CASP10: variants seen among roughly 807,000 people sequenced by gnomAD.
CASP10 encodes the protein caspase 10.
Under a neutral mutation model 48.5 loss-of-function variants are expected in CASP10, and 41 were observed. That is an observed-to-expected ratio of 0.85 (90% CI 0.66 to 1.10). The LOEUF (loss-of-function observed/expected upper bound fraction) is 1.10, where lower values mean the gene tolerates loss of function less well. Among genes scored for constraint, CASP10 ranks in the 50% least tolerant of loss-of-function variants. CASP10 has a pLI of 0.00. For missense variants in CASP10, 614 were observed against 614.5 expected (o/e 1.00, Z 0.01); for synonymous variants, 232 against 238.4 (o/e 0.97, Z 0.25).
intron 8 of CASP10, 26 bp from the exon 9 acceptor site, chr2:201,209,039 CTCTTT>C: frequency 6.7e-7 from 1 of 1,485,348 alleles, no homozygotes; most frequent in South Asian, 1.2e-5. Flanking sequence ...CTCTCTCTCT[CTCTTT>C]TTTTTTTTTT....
chr2:201,201,571 T>C (rs920949745), intron 5 of CASP10, among the ~76,000 whole-genome samples: 1 of 140,866 alleles, frequency 7.1e-6, no homozygotes. Flanking sequence ...TGAAGCGCTG[T>C]GGTTCCGCTG....
At chr2:201,184,723 A>G (rs960257216) in intron 1 of CASP10, among the ~76,000 whole-genome samples, 9 of 152,248 alleles carry the variant, frequency 5.9e-5, no homozygotes, top group Non-Finnish European at 1.2e-4. Flanking sequence ...TAGTATTACA[A>G]TGAAAATTTT....
chr2:201,193,839 A>T (rs967459492), intron 4 of CASP10, among the ~76,000 whole-genome samples: 1 of 152,188 alleles, frequency 6.6e-6, no homozygotes, highest in African/African-American at 2.4e-5. Flanking sequence ...CCAGGACTCC[A>T]CTTACTAGTG....
At chr2:201,202,781 A>G (rs1444362921) in intron 5 of CASP10, among the ~76,000 whole-genome samples, 5 of 152,160 alleles carry the variant, frequency 3.3e-5, no homozygotes, top group African/African-American at 2.4e-5. Flanking sequence ...CTGACGGCTG[A>G]GAGTCATAGG....
intron 9 of CASP10, among the ~76,000 whole-genome samples, chr2:201,228,156 T>G (rs1168091230): frequency 4.6e-5 from 7 of 152,004 alleles, no homozygotes; most frequent in Non-Finnish European, 1.0e-4. Context: ...GCCAACATGG[T>G]GAAACCCTGT....
intron 6 of CASP10, among the ~76,000 whole-genome samples, chr2:201,204,097 G>T (rs1298281797): frequency 6.6e-6 from 1 of 152,170 alleles, no homozygotes; most frequent in East Asian, 1.9e-4. Context: ...AAGCCTTCAG[G>T]CCAGTAGTGA....
intron 5 of CASP10, chr2:201,200,374 T>C: frequency 1.4e-6 from 2 of 1,396,400 alleles, no homozygotes; most frequent in Non-Finnish European, 1.0e-6. Flanking sequence ...CTGACTCCAG[T>C]ATTCTCTCCA....
At chr2:201,203,464 A>T (rs986156231) in intron 5 of CASP10, among the ~76,000 whole-genome samples, 1 of 151,726 alleles carries the variant, frequency 6.6e-6, no homozygotes, top group African/African-American at 2.4e-5. Flanking sequence ...GCGCTACCAC[A>T]CCCGGCTAAT....
chr2:201,200,545 AC>A, intron 5 of CASP10: 1 of 1,596,832 alleles, frequency 6.3e-7, no homozygotes, highest in Non-Finnish European at 8.5e-7. Flanking sequence ...CCACCTGAAG[AC>A]TATGCAGGCA....
chr2:201,226,840 C>T (rs1945793761), intron 9 of CASP10, among the ~76,000 whole-genome samples: 1 of 152,044 alleles, frequency 6.6e-6, no homozygotes, highest in Non-Finnish European at 1.5e-5. Flanking sequence ...ATGAAATTGC[C>T]ATTCTTCTAG....
intron 6 of CASP10, among the ~76,000 whole-genome samples, chr2:201,204,703 G>T (rs979887185): frequency 6.6e-6 from 1 of 152,164 alleles, no homozygotes; most frequent in African/African-American, 2.4e-5. Context: ...CTCTCCTAAG[G>T]CCAGGCTATC....
In CASP10 at chr2:201,203,240, G is replaced by A. The variant is rs745925108; in HGVS notation, c.685-490G>A. ...TGTCACACTGTATTTTTGCCAGTGC[G>A]TCTTTGTGAACCTTCTCCTTTGGAT... is the stretch of plus-strand genomic sequence containing the variant. On this transcript the variant is annotated intron_variant, in intron 5 of 9. Transcript: ENST00000286186. Among the ~76,000 whole-genome samples the A allele has an allele frequency of 5.9e-5, 9 of 151,734 alleles. No homozygotes were observed. The East Asian group carries it at 9.7e-4, about 16-fold the overall frequency.
Position 201,187,780 on chromosome 2 carries a change from C to G in CASP10, c.422C>G (p.Ser141Trp). ...GACATGATCTTCCTTCTGAAAGACTCGCTTCCCAAAACTGAAATGGTGAGT... is the reference window on the plus strand; with the variant it reads ...GACATGATCTTCCTTCTGAAAGACTGGCTTCCCAAAACTGAAATGGTGAGT... ...LKDMIFLLKD[S>W]LPKTEMTSLS... The change falls in exon 3 of 10, where the codon TCG becomes TGG. Residue 141 changes from serine (S) to tryptophan (W), a missense_variant. By Grantham distance (177) the Ser-to-Trp change is radical (BLOSUM62 -3). Transcript: ENST00000286186. 6.2e-7 allele frequency: 1 copy of G among 1,613,748 alleles called. No individual in the cohort carries two copies. The highest frequency in any genetic ancestry group is 8.5e-7 in the Non-Finnish European group (1 of 1,179,678).
intron 5 of CASP10, among the ~76,000 whole-genome samples, chr2:201,197,534 G>A (rs1944845922): frequency 6.6e-6 from 1 of 152,202 alleles, no homozygotes; most frequent in Non-Finnish European, 1.5e-5. Context: ...AGAATAGCTT[G>A]AACCTGGGAG....
chr2:201,219,766 T>C lies in CASP10; in HGVS notation c.*2025T>C. The C allele has an allele frequency of 1.0e-6, 1 of 984,620 alleles. No individual in the cohort carries two copies. The highest frequency in any genetic ancestry group is 1.1e-4 in the East Asian group (1 of 8,810). 61.0% of individuals were successfully genotyped at this position (984,620 alleles called of 1,614,324 possible). On this transcript the variant is annotated 3_prime_UTR_variant, in exon 10 of 10. Transcript: ENST00000286186. The stretch of plus-strand genomic sequence containing the variant: ...TTTTCTCTGTTAATTCCTGGAACTG[T>C]ATTTTGAATCCTTAAAGGTGAGCCC...
In CASP10 at chr2:201,218,318, T is replaced by A; in HGVS notation, c.*577T>A. 5 of 994,136 alleles carry A rather than the reference T, an allele frequency of 5.0e-6. No individual in the cohort carries two copies. The highest frequency in any genetic ancestry group is 6.0e-6 in the Non-Finnish European group (5 of 835,496). 61.6% of individuals were successfully genotyped at this position (994,136 alleles called of 1,614,324 possible). Reference sequence around the variant, plus strand: ...GGCTTTGGTTTGTGCAGGTACTTTTTCTTTGAGACAGAGTCACTCCGTCAC... The same window carrying A: ...GGCTTTGGTTTGTGCAGGTACTTTTACTTTGAGACAGAGTCACTCCGTCAC... On this transcript the variant is annotated 3_prime_UTR_variant, in exon 10 of 10. Coordinates refer to ENST00000286186, the MANE Select transcript of CASP10 (RefSeq NM_032977.4).
chr2:201,216,213 GAA>G (rs947884657), intron 9 of CASP10, among the ~76,000 whole-genome samples: 7 of 150,540 alleles, frequency 4.6e-5, no homozygotes, highest in Admixed American at 4.6e-4. Flanking sequence ...AAATTAATAA[GAA>G]AAAATTAGCC....
chr2:201,184,197 T>C (rs1263812971), intron 1 of CASP10, among the ~76,000 whole-genome samples: 1 of 152,188 alleles, frequency 6.6e-6, no homozygotes, highest in Non-Finnish European at 1.5e-5. Context: ...GTATGTAGAA[T>C]ACCATAGTTT....
chr2:201,191,520 C>G (rs1463378234), intron 3 of CASP10, among the ~76,000 whole-genome samples: 5 of 152,114 alleles, frequency 3.3e-5, no homozygotes, highest in Non-Finnish European at 7.4e-5. Flanking sequence ...GTGTAAAGGA[C>G]AGTCTCTAAG....
Sources: gnomAD v4.1 joint callset for allele counts (sites outside exome capture counted in the v4.1 genomes callset) on GRCh38, gnomAD v4.1.1 for gene constraint, MANE v1.5 for transcripts, NCBI Gene and HGNC (gene_info 2026-07-23, HGNC 2026-07-21) for gene names.